Variants in KCNQ5 observed in about 807,000 individuals in gnomAD.
KCNQ5 encodes the protein potassium voltage-gated channel subfamily KQT member 5.
Under a neutral mutation model 98.2 loss-of-function variants are expected in KCNQ5, and 30 were observed. The observed-to-expected ratio is 0.31, with a 90% CI of 0.23 to 0.41. KCNQ5 has a LOEUF of 0.41. KCNQ5 is among the 10% of genes least tolerant of loss of function. The probability of loss-of-function intolerance (pLI) is 1.00; values close to 1 mark genes in which losing one functional copy is unlikely to be tolerated. For missense variants in KCNQ5, 835 were observed against 1,182.5 expected (o/e 0.71, Z 4.31); for synonymous variants, 458 against 449.4 (o/e 1.02, Z -0.24).
At chr6:72,669,444 G>A (rs977459338) in intron 1 of KCNQ5, among the ~76,000 whole-genome samples, 1 of 152,270 alleles carries the variant, frequency 6.6e-6, no homozygotes, top group Admixed American at 6.5e-5. Context: ...TGACTTTCCA[G>A]GCCTGGGGTT....
At chr6:72,818,455 T>C (rs541084304) in intron 1 of KCNQ5, among the ~76,000 whole-genome samples, 1 of 152,094 alleles carries the variant, frequency 6.6e-6, no homozygotes, top group Non-Finnish European at 1.5e-5. Context: ...CTGAGTACTA[T>C]ACATTTCAGT....
At chr6:73,156,632 G>GAAAATA (rs144006929) in intron 10 of KCNQ5, among the ~76,000 whole-genome samples, 8 of 151,442 alleles carry the variant, frequency 5.3e-5, no homozygotes, top group South Asian at 4.2e-4. Flanking sequence ...CAAAAAAAAC[G>GAAAATA]AAAACAAAAA....
intron 1 of KCNQ5, among the ~76,000 whole-genome samples, chr6:72,747,082 A>G (rs1771442943): frequency 6.6e-6 from 1 of 152,128 alleles, no homozygotes; most frequent in South Asian, 2.1e-4. Context: ...CAGAATTTGG[A>G]TAGGAAAAAA....
intron 1 of KCNQ5, among the ~76,000 whole-genome samples, chr6:72,713,030 A>G (rs1047171522): frequency 2.0e-5 from 3 of 152,214 alleles, no homozygotes; most frequent in Admixed American, 2.0e-4. Flanking sequence ...TTAGGTGCTC[A>G]GTAATATGTA....
At chr6:72,779,974 A>G (rs915016140) in intron 1 of KCNQ5, among the ~76,000 whole-genome samples, 2 of 152,076 alleles carry the variant, frequency 1.3e-5, no homozygotes, top group African/African-American at 2.4e-5. Flanking sequence ...TGCTGGGATT[A>G]CAGGCATGAG....
intron 1 of KCNQ5, among the ~76,000 whole-genome samples, chr6:72,632,078 A>G (rs1390304755): frequency 6.6e-6 from 1 of 151,636 alleles, no homozygotes; most frequent in African/African-American, 2.4e-5. Context: ...ATGCTTAGCC[A>G]CTATATTTTA....
chr6:73,035,985 T>TTG (rs70994155), intron 2 of KCNQ5, among the ~76,000 whole-genome samples: 8,869 of 140,400 alleles, frequency 0.063, 308 homozygotes, highest in Admixed American at 0.12. Context: ...TTGAATACAT[T>TTG]TGTGTGTGTG....
chr6:72,733,951 T>G (rs534868374), intron 1 of KCNQ5, among the ~76,000 whole-genome samples: 1 of 152,140 alleles, frequency 6.6e-6, no homozygotes, highest in South Asian at 2.1e-4. Context: ...GAGAACAGTT[T>G]GATTTACACA....
At chr6:73,004,125 T>C (rs1041799268) in intron 2 of KCNQ5, 127 bp downstream of exon 2, 1 of 573,470 alleles carries the variant, frequency 1.7e-6, no homozygotes, top group Non-Finnish European at 3.1e-6. Flanking sequence ...TATAAAAATG[T>C]CAAAGATTAC....
At chr6:72,687,869 C>G (rs1768033966) in intron 1 of KCNQ5, among the ~76,000 whole-genome samples, 1 of 141,786 alleles carries the variant, frequency 7.1e-6, no homozygotes, top group African/African-American at 2.7e-5. Flanking sequence ...GAGTGAGTCT[C>G]TCTCTGTCGC....
chr6:72,739,585 T>G (rs1293802787), intron 1 of KCNQ5, among the ~76,000 whole-genome samples: 1 of 152,246 alleles, frequency 6.6e-6, no homozygotes, highest in Admixed American at 6.5e-5. Flanking sequence ...AACCTATTCT[T>G]TCTTAGAAAT....
rs1038295379 is a variant in KCNQ5 at position 72,694,483 on chromosome 6, G to A, written c.398+71896G>A. ...AGTTAGGAGAAAAAACATTGGCCTGGGTAGGAGTTCTGGCCTCTAGTGTTG... is the reference window on the plus strand; with the variant it reads ...AGTTAGGAGAAAAAACATTGGCCTGAGTAGGAGTTCTGGCCTCTAGTGTTG... On this transcript the variant is annotated intron_variant, in intron 1 of 13. Coordinates refer to ENST00000370398, the MANE Select transcript of KCNQ5 (RefSeq NM_019842.4). Among the ~76,000 whole-genome samples the A allele has an allele frequency of 7.9e-5, 12 of 152,224 alleles. No homozygotes were observed. The South Asian group carries it at 2.5e-3, about 32-fold the overall frequency.
At chr6:72,958,129 A>G (rs1370998918) in intron 1 of KCNQ5, among the ~76,000 whole-genome samples, 1 of 152,048 alleles carries the variant, frequency 6.6e-6, no homozygotes, top group Non-Finnish European at 1.5e-5. Flanking sequence ...CAAAATTCTG[A>G]CTCATGTTAC....
At chr6:73,034,858 T>G (rs1325151488) in intron 2 of KCNQ5, among the ~76,000 whole-genome samples, 2 of 148,768 alleles carry the variant, frequency 1.3e-5, no homozygotes, top group African/African-American at 4.9e-5. Context: ...TTTTTTTTTT[T>G]TTTTTGAGAC....
intron 1 of KCNQ5, among the ~76,000 whole-genome samples, chr6:72,733,181 T>C (rs1398395375): frequency 6.6e-6 from 1 of 151,628 alleles, no homozygotes; most frequent in Non-Finnish European, 1.5e-5. Context: ...GTGAGTAGGG[T>C]AGGGTGAAAG....
chr6:72,793,249 C>G, intron 1 of KCNQ5, among the ~76,000 whole-genome samples: 1 of 152,210 alleles, frequency 6.6e-6, no homozygotes, highest in Non-Finnish European at 1.5e-5. Flanking sequence ...AGAAATGCAG[C>G]TACCATATAC....
chr6:72,910,336 C>G (rs950808633), intron 1 of KCNQ5, among the ~76,000 whole-genome samples: 1 of 152,076 alleles, frequency 6.6e-6, no homozygotes, highest in Non-Finnish European at 1.5e-5. Flanking sequence ...TAAAATGATA[C>G]AGTTTACATT....
At chr6:72,887,892 A>G (rs748091394) in intron 1 of KCNQ5, among the ~76,000 whole-genome samples, 2 of 152,188 alleles carry the variant, frequency 1.3e-5, no homozygotes, top group African/African-American at 2.4e-5. Context: ...GTGAGTGAAA[A>G]TTGGCTAAAT....
chr6:73,055,112 C>T, intron 3 of KCNQ5: 1 of 745,776 alleles, frequency 1.3e-6, no homozygotes, highest in East Asian at 2.5e-5. Flanking sequence ...CACCTACAAA[C>T]TGGTGCAGAT....
Sources: gnomAD v4.1 joint callset for allele counts (sites outside exome capture counted in the v4.1 genomes callset) on GRCh38, gnomAD v4.1.1 for gene constraint, MANE v1.5 for transcripts, NCBI Gene and HGNC (gene_info 2026-07-23, HGNC 2026-07-21) for gene names.